SFI1: variants seen among roughly 807,000 people sequenced by gnomAD.
The protein encoded by SFI1 is protein SFI1 homolog.
SFI1 carries 195 observed loss-of-function variants against 207.5 expected under a neutral mutation model. The observed-to-expected ratio is 0.94, with a 90% CI of 0.84 to 1.06. The LOEUF is 1.06. SFI1 is among the 50% of genes least tolerant of loss of function. The probability of loss-of-function intolerance (pLI) is 0.00; values close to 1 mark genes in which losing one functional copy is unlikely to be tolerated. For missense variants in SFI1, 1,634 were observed against 1,588.0 expected (o/e 1.03, Z -0.49); for synonymous variants, 630 against 598.9 (o/e 1.05, Z -0.76).
At chr22:31,500,834 C>G (rs530552904) in intron 1 of SFI1, among the ~76,000 whole-genome samples, 2 of 148,396 alleles carry the variant, frequency 1.3e-5, no homozygotes, top group South Asian at 2.1e-4. Flanking sequence ...GAGTGTTGCT[C>G]TGTCACCCAG....
chr22:31,510,888 A>G (rs539127539), intron 2 of SFI1, among the ~76,000 whole-genome samples: 27 of 152,006 alleles, frequency 1.8e-4, no homozygotes, highest in Admixed American at 3.9e-4. Flanking sequence ...TCTCTTTCAT[A>G]CCTAATTTTG....
At chr22:31,557,922 C>T (rs1011849064) in intron 7 of SFI1, among the ~76,000 whole-genome samples, 1 of 152,142 alleles carries the variant, frequency 6.6e-6, no homozygotes, top group Non-Finnish European at 1.5e-5. Context: ...ACAGATTTCA[C>T]TCTATGTTGT....
chr22:31,537,605 C>G (rs1016384730), intron 4 of SFI1, among the ~76,000 whole-genome samples: 3 of 152,196 alleles, frequency 2.0e-5, no homozygotes, highest in African/African-American at 7.2e-5. Flanking sequence ...ATTGTTTGAT[C>G]TGAGGATAGT....
intron 12 of SFI1, among the ~76,000 whole-genome samples, chr22:31,582,751 A>G (rs958043886): frequency 4.6e-5 from 7 of 151,992 alleles, no homozygotes; most frequent in Admixed American, 1.3e-4. Context: ...CCACCATTCT[A>G]CTTTCTGTCT....
chr22:31,572,307 C>CT (rs2063033497), intron 8 of SFI1, among the ~76,000 whole-genome samples: 1 of 152,150 alleles, frequency 6.6e-6, no homozygotes, highest in Non-Finnish European at 1.5e-5. Flanking sequence ...TGCATTATCA[C>CT]TGATCTAAGG....
chr22:31,596,147 G>A (rs555473593), intron 15 of SFI1, among the ~76,000 whole-genome samples: 131 of 152,266 alleles, frequency 8.6e-4, no homozygotes, highest in Non-Finnish European at 1.5e-3. Context: ...CAGCTACTCC[G>A]GAGGCTGAGG....
chr22:31,613,995 C>G, intron 27 of SFI1, 140 bp downstream of exon 27: 2 of 1,162,490 alleles, frequency 1.7e-6, no homozygotes, highest in South Asian at 3.7e-5. Context: ...GGAACCCCCT[C>G]TTCTCCAGCC....
chr22:31,618,221 G>C lies in SFI1; in HGVS notation c.3619G>C (p.Glu1207Gln), dbSNP rs1279983643. The change falls in exon 32 of 33, where the codon GAA becomes CAA. Residue 1207 changes from glutamate to glutamine, a missense_variant. Physicochemically the swap from Glu to Gln is conservative, Grantham distance 29. Coordinates refer to ENST00000400288, the MANE Select transcript of SFI1 (RefSeq NM_001007467.3). ...AGAGCAGCAGGTGCAGAAAGAGCTG[G>C]AACAGGTGAGGCCCCAGGCCATCCC... ...EVEQQVQKELEQVEMQIQLLA... is the reference protein window; with the variant it reads ...EVEQQVQKELQQVEMQIQLLA... 1.9e-6 allele frequency: 3 copies of C among 1,595,862 alleles called. No individual in the cohort carries two copies. Among genetic ancestry groups the C allele is most frequent in the Non-Finnish European group, 1.7e-6 (2 of 1,172,944 alleles).
At chr22:31,566,968 C>T (rs1263150568) in intron 8 of SFI1, among the ~76,000 whole-genome samples, 1 of 151,942 alleles carries the variant, frequency 6.6e-6, no homozygotes, top group African/African-American at 2.4e-5. Flanking sequence ...TGCAGTGGTG[C>T]GATCTCGGCT....
intron 15 of SFI1, among the ~76,000 whole-genome samples, chr22:31,600,453 C>A (rs1227986072): frequency 6.6e-6 from 1 of 152,232 alleles, no homozygotes; most frequent in African/African-American, 2.4e-5. Context: ...CTCCGTCTTT[C>A]AACCCTGTCC....
chr22:31,589,716 C>A, intron 15 of SFI1, 139 bp downstream of exon 15: 1 of 770,230 alleles, frequency 1.3e-6, no homozygotes, highest in South Asian at 3.0e-5. Flanking sequence ...AATGTGGGCT[C>A]ATTGATTTCA....
intron 2 of SFI1, among the ~76,000 whole-genome samples, chr22:31,520,712 A>T (rs2057125030): frequency 6.6e-6 from 1 of 151,898 alleles, no homozygotes; most frequent in Admixed American, 6.6e-5. Flanking sequence ...CACTACTTCC[A>T]TTTGGGCATG....
chr22:31,565,532 A>C (rs866389153), intron 8 of SFI1, among the ~76,000 whole-genome samples: 1 of 130,056 alleles, frequency 7.7e-6, no homozygotes, highest in Admixed American at 7.8e-5. Flanking sequence ...CCCCATCTCT[A>C]CAAAAAAAAA....
At chr22:31,617,984 C>T (rs2072066962) in intron 31 of SFI1, 131 bp from the exon 32 acceptor site, 1 of 1,005,596 alleles carries the variant, frequency 9.9e-7, no homozygotes, top group South Asian at 1.7e-5. Flanking sequence ...CAGTTCAGGT[C>T]AGGGGCCCTA....
intron 19 of SFI1, 93 bp downstream of exon 19, chr22:31,604,497 C>T: frequency 1.7e-6 from 2 of 1,146,662 alleles, no homozygotes; most frequent in Non-Finnish European, 2.4e-6. Flanking sequence ...CTGTCCGTCC[C>T]AGAACAGAGT....
intron 22 of SFI1, 95 bp downstream of exon 22, chr22:31,608,128 A>G (rs2069378406): frequency 1.1e-6 from 1 of 927,096 alleles, no homozygotes; most frequent in Non-Finnish European, 1.7e-6. Context: ...TCTCCTCCTC[A>G]TACATGCCAG....
rs779466459 is a variant in SFI1 at position 31,602,793 on chromosome 22, G to GC, written c.1805+10dup. ...CCAAGGGCTCAGAACAGAGTGAGTG[G>GC]CCAGTTCTGCCTTACAAGCCTTTCC... On this transcript the variant is annotated intron_variant, in intron 17 of 32. Coordinates refer to ENST00000400288, the MANE Select transcript of SFI1 (RefSeq NM_001007467.3). The GC allele has an allele frequency of 6.2e-7, 1 of 1,611,674 alleles. No individual in the cohort carries two copies. The highest frequency in any genetic ancestry group is 8.5e-7 in the Non-Finnish European group (1 of 1,179,224).
At position 31,618,328 on chromosome 22, in the gene SFI1, C is replaced by G; in HGVS notation, c.3639C>G (p.Ile1213Met). ...CATGGCCCCAGGTGGAAATGCAGAT[C>G]CAGCTGCTGGCAGAGGAGCTCCAGG... ...QKELEQVEMQ[I>M]QLLAEELQAQ... Residue 1213 changes from isoleucine (I) to methionine (M), a missense_variant, in exon 33 of 33, where the codon ATC (isoleucine) becomes ATG (methionine). Coordinates refer to ENST00000400288, the MANE Select transcript of SFI1 (RefSeq NM_001007467.3). 2 of 1,610,086 alleles carry G rather than the reference C, an allele frequency of 1.2e-6. No individual in the cohort carries two copies. Among genetic ancestry groups the G allele is most frequent in the Non-Finnish European group, 1.7e-6 (2 of 1,177,468 alleles).
chr22:31,540,217 GTAATTTTT>G (rs1173584009), intron 4 of SFI1, among the ~76,000 whole-genome samples: 5 of 150,450 alleles, frequency 3.3e-5, no homozygotes, highest in African/African-American at 4.9e-5. Flanking sequence ...GATGAAGGTG[GTAATTTTT>G]TAATTTTTTA....
Sources: allele counts gnomAD v4.1 joint callset (sites outside exome capture counted in the v4.1 genomes callset), GRCh38; gene constraint gnomAD v4.1.1; transcripts MANE v1.5; gene names NCBI Gene and HGNC (gene_info 2026-07-23, HGNC 2026-07-21).